Variants in USH2A observed in about 807,000 individuals in gnomAD.
USH2A encodes Usher syndrome 2A (autosomal recessive, mild).
USH2A carries 443 observed loss-of-function variants against 538.9 expected under a neutral mutation model. The observed-to-expected ratio is 0.82, with a 90% CI of 0.76 to 0.89. The LOEUF is 0.89. Among genes scored for constraint, USH2A ranks in the 40% least tolerant of loss-of-function variants. The pLI is 0.00. For synonymous variants in USH2A, 2,413 were observed against 2,273.5 expected, an observed-to-expected ratio of 1.06 and a Z score of -1.75; for missense variants, 6,633 against 6,324.8, an observed-to-expected ratio of 1.05 and a Z score of -1.65.
At chr1:216,167,282 T>C (rs903037041) in intron 21 of USH2A, among the ~76,000 whole-genome samples, 1 of 152,004 alleles carries the variant, frequency 6.6e-6, no homozygotes, top group East Asian at 1.9e-4. Context: ...GTGATAATTG[T>C]TACACTATCT....
At chr1:216,351,866 A>G (rs967206420) in intron 4 of USH2A, among the ~76,000 whole-genome samples, 59 of 152,224 alleles carry the variant, frequency 3.9e-4, no homozygotes, top group Middle Eastern at 3.4e-3. Context: ...AACATGAGAT[A>G]AAGAGAATTG....
At chr1:215,671,372 T>TAA (rs756861779) in intron 63 of USH2A, 79 bp from the exon 64 acceptor site, 640 of 1,153,664 alleles carry the variant, frequency 5.5e-4, no homozygotes, top group Non-Finnish European at 6.6e-4. Context: ...CACCAGGCCT[T>TAA]AAAAAAAAAA....
intron 64 of USH2A, among the ~76,000 whole-genome samples, chr1:215,657,467 G>A (rs1657297038): frequency 6.6e-6 from 1 of 152,182 alleles, no homozygotes; most frequent in African/African-American, 2.4e-5. Context: ...GGAATAATGT[G>A]CTGAAAAGCT....
At chr1:215,919,160 A>C (rs560899583) in intron 38 of USH2A, among the ~76,000 whole-genome samples, 5 of 152,182 alleles carry the variant, frequency 3.3e-5, no homozygotes, top group African/African-American at 9.6e-5. Flanking sequence ...TATATTGCAC[A>C]GACATTATAG....
chr1:216,320,952 T>C (rs1275564458), intron 9 of USH2A, among the ~76,000 whole-genome samples: 1 of 152,102 alleles, frequency 6.6e-6, no homozygotes, highest in Non-Finnish European at 1.5e-5. Context: ...TTAATTTCCT[T>C]CATAGCTCCA....
At chr1:215,718,142 G>A (rs886120689) in intron 61 of USH2A, among the ~76,000 whole-genome samples, 31 of 152,242 alleles carry the variant, frequency 2.0e-4, no homozygotes, top group African/African-American at 7.0e-4. Flanking sequence ...CTAACAAGAT[G>A]TTTCACCTTA....
chr1:216,201,377 C>T (rs896411036), intron 16 of USH2A, among the ~76,000 whole-genome samples: 12 of 150,208 alleles, frequency 8.0e-5, no homozygotes, highest in Non-Finnish European at 1.2e-4. Context: ...GGCACAATCT[C>T]GGCTCACTGC....
chr1:216,149,027 G>A (rs1025982742), intron 21 of USH2A, among the ~76,000 whole-genome samples: 2 of 152,076 alleles, frequency 1.3e-5, no homozygotes, highest in South Asian at 4.1e-4. Flanking sequence ...AATCCTGTCC[G>A]ACTAATCTCT....
At chr1:215,643,196 C>T (rs1057040859) in intron 67 of USH2A, among the ~76,000 whole-genome samples, 1 of 152,016 alleles carries the variant, frequency 6.6e-6, no homozygotes, top group African/African-American at 2.4e-5. Context: ...TGGGGTTTCA[C>T]CATGCTGGCC....
chr1:216,203,854 T>C (rs2102475430), intron 16 of USH2A, among the ~76,000 whole-genome samples: 1 of 152,294 alleles, frequency 6.6e-6, no homozygotes, highest in East Asian at 1.9e-4. Flanking sequence ...AATCATCCTC[T>C]AGTTCCTGTG....
At chr1:215,771,410 C>T (rs1661280588) in intron 55 of USH2A, among the ~76,000 whole-genome samples, 1 of 150,190 alleles carries the variant, frequency 6.7e-6, no homozygotes, top group Non-Finnish European at 1.5e-5. Context: ...GAAACCCCGT[C>T]TCTACTAAAA....
At chr1:215,738,050 C>T (rs1571635970) in intron 60 of USH2A, among the ~76,000 whole-genome samples, 1 of 151,876 alleles carries the variant, frequency 6.6e-6, no homozygotes, top group African/African-American at 2.4e-5. Context: ...AATAATAAAC[C>T]CCATGAAATT....
intron 35 of USH2A, among the ~76,000 whole-genome samples, chr1:215,971,216 G>GT (rs1284436055): frequency 6.6e-6 from 1 of 152,080 alleles, no homozygotes; most frequent in African/African-American, 2.4e-5. Flanking sequence ...TAAGCACCTG[G>GT]TACACATTGG....
intron 3 of USH2A, among the ~76,000 whole-genome samples, chr1:216,377,569 T>A (rs1184807156): frequency 6.6e-6 from 1 of 152,012 alleles, no homozygotes; most frequent in African/African-American, 2.4e-5. Flanking sequence ...TGGTAATTAC[T>A]CTTGAAAATA....
chr1:216,214,313 A>T (rs765140934), intron 15 of USH2A, among the ~76,000 whole-genome samples: 14 of 152,082 alleles, frequency 9.2e-5, no homozygotes, highest in Non-Finnish European at 1.9e-4. Flanking sequence ...TGATCAATGG[A>T]TAAACAAAAT....
intron 40 of USH2A, 139 bp from the exon 41 acceptor site, chr1:215,889,193 G>T: frequency 9.8e-7 from 1 of 1,015,764 alleles, no homozygotes; most frequent in Non-Finnish European, 1.5e-6. Context: ...ATAAATAAGT[G>T]CCATAAAGAC....
chr1:215,795,815 C>T (rs1307469038), intron 50 of USH2A, among the ~76,000 whole-genome samples: 1 of 152,160 alleles, frequency 6.6e-6, no homozygotes, highest in Non-Finnish European at 1.5e-5. Flanking sequence ...CAGTGGTTCT[C>T]AAATTATGGT....
At chr1:215,969,176 T>A in intron 36 of USH2A, among the ~76,000 whole-genome samples, 1 of 152,180 alleles carries the variant, frequency 6.6e-6, no homozygotes, top group East Asian at 1.9e-4. Context: ...TGATTAGAGA[T>A]GGATCATTGA....
intron 21 of USH2A, among the ~76,000 whole-genome samples, chr1:216,130,563 T>A (rs1250447504): frequency 6.9e-6 from 1 of 144,018 alleles, no homozygotes; most frequent in Non-Finnish European, 1.5e-5. Context: ...ATATATATTA[T>A]ATATAATATA....
Sources: allele counts gnomAD v4.1 joint callset (sites outside exome capture counted in the v4.1 genomes callset), GRCh38; gene constraint gnomAD v4.1.1; transcripts MANE v1.5; gene names NCBI Gene and HGNC (gene_info 2026-07-23, HGNC 2026-07-21).